The following CLSTN2 variants were observed in gnomAD, a reference collection of about 807,000 sequenced individuals.
CLSTN2 encodes calsyntenin-2.
CLSTN2 carries 48 observed loss-of-function variants against 101.2 expected under a neutral mutation model. The ratio of observed to expected loss-of-function variants is 0.47; its 90% CI spans 0.38 to 0.60. The LOEUF (loss-of-function observed/expected upper bound fraction) is 0.60, where lower values mean the gene tolerates loss of function less well. Among genes scored for constraint, CLSTN2 ranks in the 20% least tolerant of loss-of-function variants. The probability of loss-of-function intolerance (pLI) is 0.00; values close to 1 mark genes in which losing one functional copy is unlikely to be tolerated. For missense variants in CLSTN2, 1,160 were observed against 1,238.2 expected (o/e 0.94, Z 0.95); for synonymous variants, 481 against 463.6 (o/e 1.04, Z -0.48).
chr3:139,977,523 C>G (rs1174077952), intron 1 of CLSTN2, among the ~76,000 whole-genome samples: 1 of 152,206 alleles, frequency 6.6e-6, no homozygotes, highest in South Asian at 2.1e-4. Flanking sequence ...GCTGTTTTTA[C>G]CCCCTTACTC....
At chr3:140,011,957 T>C (rs1272730713) in intron 1 of CLSTN2, among the ~76,000 whole-genome samples, 2 of 152,020 alleles carry the variant, frequency 1.3e-5, no homozygotes, top group Non-Finnish European at 2.9e-5. Context: ...CTGAAGGCCA[T>C]TGCAATACTT....
chr3:140,444,743 G>C (rs1003480159), intron 5 of CLSTN2, among the ~76,000 whole-genome samples: 1 of 152,222 alleles, frequency 6.6e-6, no homozygotes, highest in Non-Finnish European at 1.5e-5. Flanking sequence ...AAACTCTACA[G>C]AAGAGGAAAC....
chr3:140,225,486 T>TTTTGTTTGTTTG (rs60470942), intron 2 of CLSTN2, among the ~76,000 whole-genome samples: 2 of 150,770 alleles, frequency 1.3e-5, no homozygotes, highest in South Asian at 2.1e-4. Flanking sequence ...GCACTGACAT[T>TTTTGTTTGTTTG]TTTGTTTGTT....
intron 2 of CLSTN2, among the ~76,000 whole-genome samples, chr3:140,268,644 C>A (rs1576492452): frequency 6.6e-6 from 1 of 152,180 alleles, no homozygotes; most frequent in East Asian, 1.9e-4. Flanking sequence ...AGGTTCCATT[C>A]TCCTTCCTGG....
chr3:140,521,256 T>C (rs927342877), intron 8 of CLSTN2, among the ~76,000 whole-genome samples: 2 of 152,230 alleles, frequency 1.3e-5, no homozygotes, highest in Admixed American at 1.3e-4. Context: ...TTATTCGTTC[T>C]CATCTTTGTG....
intron 8 of CLSTN2, among the ~76,000 whole-genome samples, chr3:140,521,065 T>G (rs1935016303): frequency 7.1e-6 from 1 of 140,014 alleles, no homozygotes. Flanking sequence ...TTTTTTTTTT[T>G]GCATTGAGTT....
At chr3:140,214,423 C>T (rs1324780124) in intron 2 of CLSTN2, among the ~76,000 whole-genome samples, 5 of 149,816 alleles carry the variant, frequency 3.3e-5, no homozygotes, top group African/African-American at 5.0e-5. Context: ...CATTGCACTC[C>T]AGCCTGGGCC....
At chr3:140,379,048 G>T (rs1166416938) in intron 2 of CLSTN2, among the ~76,000 whole-genome samples, 1 of 152,212 alleles carries the variant, frequency 6.6e-6, no homozygotes, top group African/African-American at 2.4e-5. Flanking sequence ...CTTAGCAGCT[G>T]GGCTTCCCCT....
At chr3:140,072,088 T>C (rs1376431016) in intron 1 of CLSTN2, among the ~76,000 whole-genome samples, 1 of 152,174 alleles carries the variant, frequency 6.6e-6, no homozygotes, top group African/African-American at 2.4e-5. Context: ...TCAAACTTTC[T>C]TCTACAGTTT....
At chr3:140,485,374 G>A (rs1390888695) in intron 8 of CLSTN2, among the ~76,000 whole-genome samples, 2 of 152,226 alleles carry the variant, frequency 1.3e-5, no homozygotes, top group African/African-American at 4.8e-5. Context: ...CTACTAGGGG[G>A]TGCCTCCCAG....
intron 2 of CLSTN2, among the ~76,000 whole-genome samples, chr3:140,278,995 C>T (rs548386892): frequency 4.1e-4 from 63 of 152,302 alleles, no homozygotes; most frequent in African/African-American, 9.9e-4. Context: ...TCTGGGAATA[C>T]AGGCATGAGC....
intron 1 of CLSTN2, among the ~76,000 whole-genome samples, chr3:139,943,150 C>T (rs1235332868): frequency 2.6e-5 from 4 of 152,140 alleles, no homozygotes; most frequent in African/African-American, 9.7e-5. Context: ...GGTACATCAT[C>T]CATACATTCA....
chr3:140,264,212 T>C (rs1402793385), intron 2 of CLSTN2, among the ~76,000 whole-genome samples: 3 of 151,738 alleles, frequency 2.0e-5, no homozygotes, highest in Non-Finnish European at 2.9e-5. Flanking sequence ...TTGATGATTT[T>C]GCTGTTTAAA....
At chr3:140,399,786 G>A (rs2088220504) in intron 2 of CLSTN2, among the ~76,000 whole-genome samples, 1 of 152,092 alleles carries the variant, frequency 6.6e-6, no homozygotes, top group South Asian at 2.1e-4. Flanking sequence ...TGGTGCTAGA[G>A]TTTGGAGTAT....
chr3:140,364,368 T>G (rs2087761731), intron 2 of CLSTN2, among the ~76,000 whole-genome samples: 1 of 151,962 alleles, frequency 6.6e-6, no homozygotes, highest in Admixed American at 6.6e-5. Flanking sequence ...AGAACACGAG[T>G]TTGAGAAACC....
chr3:140,311,667 T>C (rs537389327), intron 2 of CLSTN2, among the ~76,000 whole-genome samples: 27 of 152,080 alleles, frequency 1.8e-4, no homozygotes. Context: ...CAATAACTCA[T>C]GTAATCATCA....
intron 2 of CLSTN2, among the ~76,000 whole-genome samples, chr3:140,397,355 T>A (rs1016537727): frequency 1.3e-5 from 2 of 152,168 alleles, no homozygotes; most frequent in East Asian, 3.8e-4. Context: ...AAGTTATAGA[T>A]ATTCTTCTCT....
At position 139,953,931 on chromosome 3, in the gene CLSTN2, T is replaced by TTGTG. The variant is rs145225696; in HGVS notation, c.109+18468_109+18471dup. The stretch of plus-strand genomic sequence containing the variant: ...AGAGAAGGGCTCTGTGTGTGTGTGT[T>TTGTG]TGTGTGTGTGTGTGTGTGTGTGTTT... On this transcript the variant is annotated intron_variant, in intron 1 of 16. Transcript: ENST00000458420. Among the ~76,000 whole-genome samples the TTGTG allele has an allele frequency of 3.5e-4, 51 of 147,494 alleles. No individual in the cohort carries two copies. In the East Asian group the frequency reaches 6.7e-3, roughly 19 times the overall value.
intron 11 of CLSTN2, 109 bp downstream of exon 11, chr3:140,556,770 G>C (rs1576625804): frequency 3.7e-6 from 4 of 1,073,962 alleles, no homozygotes; most frequent in Non-Finnish European, 5.4e-6. Context: ...CCTTTCGTCA[G>C]CTGTCCTCAA....
Sources: gnomAD v4.1 joint callset for allele counts (sites outside exome capture counted in the v4.1 genomes callset) on GRCh38, gnomAD v4.1.1 for gene constraint, MANE v1.5 for transcripts, NCBI Gene and HGNC (gene_info 2026-07-23, HGNC 2026-07-21) for gene names.